DNAH7: variants seen among roughly 807,000 people sequenced by gnomAD.
DNAH7 encodes the protein dynein axonemal heavy chain 7.
Under a neutral mutation model 444.6 loss-of-function variants are expected in DNAH7, and 397 were observed. The ratio of observed to expected loss-of-function variants is 0.89; its 90% confidence interval spans 0.82 to 0.97. The LOEUF is 0.97. DNAH7 is among the 50% of genes least tolerant of loss of function. The pLI, the probability that DNAH7 is intolerant of heterozygous loss-of-function variation, is 0.00. For missense variants in DNAH7, 4,902 were observed against 4,800.8 expected (o/e 1.02, Z -0.62); for synonymous variants, 1,636 against 1,624.4 (o/e 1.01, Z -0.17).
chr2:195,891,925 T>G (rs1702036010), intron 30 of DNAH7, 121 bp from the exon 31 acceptor site: 1 of 733,328 alleles, frequency 1.4e-6, no homozygotes, highest in Non-Finnish European at 2.0e-6. Flanking sequence ...AGTAGTGAAT[T>G]TGACAAGGTC....
intron 21 of DNAH7, among the ~76,000 whole-genome samples, chr2:195,933,905 A>G (rs1688871330): frequency 6.6e-6 from 1 of 152,150 alleles, no homozygotes; most frequent in African/African-American, 2.4e-5. Context: ...ATAGTAACAA[A>G]TAAAAAATAA....
intron 10 of DNAH7, among the ~76,000 whole-genome samples, chr2:196,010,707 T>C (rs771749644): frequency 6.6e-6 from 1 of 152,052 alleles, no homozygotes; most frequent in Non-Finnish European, 1.5e-5. Context: ...AAAGAAAATA[T>C]AGTGTGTGTA....
rs534582434 is a variant in DNAH7 at position 195,773,794 on chromosome 2, C to T, written c.11203-1904G>A. Among the ~76,000 whole-genome samples the T allele has an allele frequency of 1.1e-4, 16 of 152,304 alleles. No individual in the cohort carries two copies. The East Asian group carries it at 1.7e-3, about 17-fold the overall frequency. ...AGTTTTATAATATTCTAAGTTGAAA[C>T]AATTTTTCTATTCTAAATAGTGTGT... On this transcript the variant is annotated intron_variant, in intron 60 of 64. Transcript: ENST00000312428.
rs755270807 is a variant in DNAH7 at position 196,051,235 on chromosome 2, G to C, written c.93C>G (p.Ser31Arg). The C allele has an allele frequency of 1.9e-6, 3 of 1,613,654 alleles. No individual in the cohort carries two copies. The highest frequency in any genetic ancestry group is 8.5e-7 in the Non-Finnish European group (1 of 1,179,776). Residue 31 changes from serine to arginine, a missense_variant, in exon 3 of 65, where the codon AGC becomes AGG. Coordinates refer to ENST00000312428, the MANE Select transcript of DNAH7 (RefSeq NM_018897.3). ...TTGCTGGTGCCTTGAACTTTTCTTT[G>C]CTGGCTAATTTCTCCTGTGTGAAAA... ...LPQLSMEKLA[S>R]KEKFKAPARA...
intron 47 of DNAH7, among the ~76,000 whole-genome samples, chr2:195,837,461 G>C (rs555336671): frequency 3.9e-5 from 6 of 152,258 alleles, no homozygotes; most frequent in African/African-American, 1.4e-4. Context: ...GTGAATGGGA[G>C]AAAAATCCTA....
In DNAH7 at chr2:195,757,886, C is replaced by T. The variant is rs11892145; in HGVS notation, c.11434-1601G>A. Among the ~76,000 whole-genome samples the T allele has an allele frequency of 2.3e-3, 351 of 152,272 alleles. 1 individual carries two copies. Among genetic ancestry groups the T allele is most frequent in the African/African-American group, 7.9e-3 (327 of 41,560 alleles). On this transcript the variant is annotated intron_variant, in intron 61 of 64. Coordinates refer to ENST00000312428, the MANE Select transcript of DNAH7 (RefSeq NM_018897.3). Reference sequence around the variant, plus strand: ...TAAAAAACAGATCTTCCTCCCCCGCCCCAAAAACTATGCATTGCCTACCTT... The same window carrying T: ...TAAAAAACAGATCTTCCTCCCCCGCTCCAAAAACTATGCATTGCCTACCTT...
intron 12 of DNAH7, among the ~76,000 whole-genome samples, chr2:196,000,097 A>G (rs1262802697): frequency 6.6e-6 from 1 of 152,192 alleles, no homozygotes; most frequent in Non-Finnish European, 1.5e-5. Flanking sequence ...GCCTTTACAC[A>G]CTAGTTTCCT....
intron 19 of DNAH7, among the ~76,000 whole-genome samples, chr2:195,953,885 A>G (rs1690441198): frequency 6.6e-6 from 1 of 152,210 alleles, no homozygotes; most frequent in African/African-American, 2.4e-5. Context: ...TATACACACC[A>G]TGTCATTAGA....
rs998294350 is a variant in DNAH7, at chr2:195,808,938, C to G, written c.9889-62G>C. 117 of 1,425,674 alleles carry G rather than the reference C, an allele frequency of 8.2e-5. No individual in the cohort carries two copies. The African/African-American group carries it at 1.6e-3, about 19-fold the overall frequency. The allele number at this position is 1,425,674 out of a possible 1,614,324, so 88.3% of individuals were successfully genotyped here. ...AGTTCATCATAAACTAGTAAGCTTA[C>G]AACCATTATAAAAGAGTTGAGTGTT... On this transcript the variant is annotated intron_variant, in intron 52 of 64. Transcript: ENST00000312428.
chr2:195,817,865 AT>A, intron 49 of DNAH7, 36 bp from the exon 50 acceptor site: 3 of 1,478,590 alleles, frequency 2.0e-6, no homozygotes, highest in Non-Finnish European at 2.7e-6. Flanking sequence ...TTACATCATT[AT>A]TTCTGTTAAA....
intron 55 of DNAH7, among the ~76,000 whole-genome samples, 200 bp downstream of exon 55, chr2:195,799,096 A>T (rs1190444176): frequency 6.6e-6 from 1 of 152,182 alleles, no homozygotes; most frequent in East Asian, 1.9e-4. Flanking sequence ...TTTTAATTAA[A>T]TTTTAATTTG....
chr2:195,809,631 A>T (rs1365098559), intron 52 of DNAH7, 114 bp downstream of exon 52: 16 of 985,854 alleles, frequency 1.6e-5, no homozygotes, highest in Non-Finnish European at 2.0e-5. Flanking sequence ...AATAACAAAC[A>T]GTATTATTGC....
chr2:195,756,316 T>C (rs758770710), intron 61 of DNAH7, 31 bp from the exon 62 acceptor site: 11 of 1,556,674 alleles, frequency 7.1e-6, no homozygotes, highest in African/African-American at 2.7e-5. Context: ...GTTAATATAA[T>C]AGTATAGATT....
intron 58 of DNAH7, among the ~76,000 whole-genome samples, chr2:195,785,963 A>G (rs1695597645): frequency 6.6e-6 from 1 of 152,192 alleles, no homozygotes; most frequent in Non-Finnish European, 1.5e-5. Context: ...TACAAGAACA[A>G]AGCTCATTAA....
chr2:195,752,805 C>T (rs145938289), intron 63 of DNAH7, among the ~76,000 whole-genome samples: 6 of 152,246 alleles, frequency 3.9e-5, no homozygotes, highest in Middle Eastern at 3.4e-3. Context: ...GAAGAGAATT[C>T]ATGGGATTTG....
At chr2:196,000,524 G>A (rs1191168252) in intron 12 of DNAH7, among the ~76,000 whole-genome samples, 180 bp downstream of exon 12, 2 of 152,146 alleles carry the variant, frequency 1.3e-5, no homozygotes, top group African/African-American at 4.8e-5. Flanking sequence ...GACTAAACTA[G>A]GAAAGTAGGT....
chr2:195,923,642 C>T lies in DNAH7; in HGVS notation c.3778G>A (p.Asp1260Asn), dbSNP rs189420137. Residue 1260 changes from aspartate to asparagine, a missense_variant, in exon 23 of 65, where the codon GAT becomes AAT. By Grantham distance (23) the Asp-to-Asn change is conservative. Coordinates refer to ENST00000312428, the MANE Select transcript of DNAH7 (RefSeq NM_018897.3). The part of the protein sequence containing the change: ...LSSLVKKNIS[D>N]DSDFEWLSQL... The stretch of plus-strand genomic sequence containing the variant: ...CTTAACCATTCAAAGTCAGAGTCAT[C>T]GCTAATATTTTTTTTTACAAGTGAT... 3.5e-4 allele frequency: 562 copies of T among 1,614,084 alleles called. 2 individuals carry two copies. In the African/African-American group the frequency reaches 6.8e-3, roughly 19 times the overall value.
At chr2:196,023,211 ACT>A (rs1695483505) in intron 8 of DNAH7, among the ~76,000 whole-genome samples, 1 of 150,760 alleles carries the variant, frequency 6.6e-6, no homozygotes, top group Non-Finnish European at 1.5e-5. Context: ...CTTCCCTCTC[ACT>A]CTTCATCCTG....
At chr2:195,747,032 C>T (rs1042834055) in intron 63 of DNAH7, among the ~76,000 whole-genome samples, 2 of 152,110 alleles carry the variant, frequency 1.3e-5, no homozygotes, top group African/African-American at 4.8e-5. Context: ...CACAAAAAAA[C>T]CCTTCAAAAA....
Sources: allele counts gnomAD v4.1 joint callset (sites outside exome capture counted in the v4.1 genomes callset), GRCh38; gene constraint gnomAD v4.1.1; transcripts MANE v1.5; gene names NCBI Gene and HGNC (gene_info 2026-07-23, HGNC 2026-07-21).